The following CCDC3 variants were observed in gnomAD, a reference collection of about 807,000 sequenced individuals.
CCDC3 encodes coiled-coil domain containing 3.
Under a neutral mutation model 21.4 loss-of-function variants are expected in CCDC3, and 24 were observed. The observed-to-expected ratio is 1.12, with a 90% CI of 0.81 to 1.58. CCDC3 has a LOEUF of 1.58. Ranked by LOEUF, CCDC3 falls within the 40% of genes most tolerant of loss-of-function variation. CCDC3 has a pLI of 0.00. For missense variants in CCDC3, 425 were observed against 360.9 expected, an observed-to-expected ratio of 1.18 and a Z score of -1.44; for synonymous variants, 186 against 166.0, an observed-to-expected ratio of 1.12 and a Z score of -0.93.
intron 2 of CCDC3, among the ~76,000 whole-genome samples, chr10:12,964,717 T>C (rs10906268): frequency 0.86 from 130,771 of 152,088 alleles, 57,359 homozygotes; most frequent in East Asian, 0.95. Flanking sequence ...TCCTTAACAA[T>C]GTAATTGACT....
intron 5 of CCDC3, among the ~76,000 whole-genome samples, chr10:13,015,100 A>C (rs1000627808): frequency 6.6e-5 from 10 of 152,122 alleles, no homozygotes; most frequent in African/African-American, 2.4e-4. Context: ...AAAGAAGAGT[A>C]TGAATGAGCT....
At chr10:12,952,100 A>G (rs1448365328) in intron 2 of CCDC3, among the ~76,000 whole-genome samples, 2 of 152,202 alleles carry the variant, frequency 1.3e-5, no homozygotes, top group Non-Finnish European at 2.9e-5. Context: ...TAGAGAACAT[A>G]GCCAAACTGA....
At chr10:12,960,900 C>T (rs1290374211) in intron 2 of CCDC3, among the ~76,000 whole-genome samples, 3 of 152,112 alleles carry the variant, frequency 2.0e-5, no homozygotes, top group Non-Finnish European at 4.4e-5. Flanking sequence ...TCTGCACAAA[C>T]GTAGGGATGT....
intron 2 of CCDC3, among the ~76,000 whole-genome samples, chr10:12,931,450 T>TTC (rs770053132): frequency 1.2e-4 from 18 of 152,358 alleles, no homozygotes; most frequent in Admixed American, 3.3e-4. Flanking sequence ...TTGACCCTTC[T>TTC]GAATGAATTT....
intron 2 of CCDC3, among the ~76,000 whole-genome samples, chr10:12,905,057 G>T (rs983750275): frequency 6.6e-6 from 1 of 151,602 alleles, no homozygotes; most frequent in Non-Finnish European, 1.5e-5. Context: ...ACAAGACAAA[G>T]TGTACTTTCT....
chr10:12,983,217 T>C (rs1375509519), intron 2 of CCDC3, among the ~76,000 whole-genome samples: 1 of 146,228 alleles, frequency 6.8e-6, no homozygotes, highest in Non-Finnish European at 1.5e-5. Flanking sequence ...TTAAAAAGAA[T>C]CTATAGCTAT....
At chr10:12,916,809 G>A (rs545940479) in intron 2 of CCDC3, among the ~76,000 whole-genome samples, 44 of 152,310 alleles carry the variant, frequency 2.9e-4, no homozygotes, top group Middle Eastern at 3.4e-3. Context: ...GTGGCTGCTG[G>A]CTTGCTGAGT....
intron 5 of CCDC3, among the ~76,000 whole-genome samples, chr10:13,007,577 T>C (rs1835939864): frequency 6.6e-6 from 1 of 152,174 alleles, no homozygotes; most frequent in African/African-American, 2.4e-5. Flanking sequence ...CGGAACATGC[T>C]GAGCTTTTAC....
At chr10:12,971,056 C>T (rs953787407) in intron 2 of CCDC3, among the ~76,000 whole-genome samples, 2 of 152,184 alleles carry the variant, frequency 1.3e-5, no homozygotes, top group Non-Finnish European at 2.9e-5. Flanking sequence ...TAAAGGTCTA[C>T]AGAGTTACAG....
chr10:13,086,383 A>C (rs565924178), intron 3 of CCDC3, among the ~76,000 whole-genome samples: 2 of 152,380 alleles, frequency 1.3e-5, no homozygotes, highest in African/African-American at 4.8e-5. Context: ...ATTCACATCA[A>C]TATTTAAGAT....
chr10:12,989,743 C>G (rs927166873), intron 2 of CCDC3, among the ~76,000 whole-genome samples: 1 of 152,096 alleles, frequency 6.6e-6, no homozygotes, highest in Non-Finnish European at 1.5e-5. Context: ...TTAGGCAGTC[C>G]ATGAGATCAA....
chr10:13,014,763 G>A (rs1836030475), intron 5 of CCDC3, among the ~76,000 whole-genome samples: 1 of 152,084 alleles, frequency 6.6e-6, no homozygotes, highest in Non-Finnish European at 1.5e-5. Context: ...AAAGTGAGAA[G>A]AAAATTTACT....
intron 2 of CCDC3, among the ~76,000 whole-genome samples, chr10:12,926,013 C>T: frequency 6.6e-6 from 1 of 152,220 alleles, no homozygotes; most frequent in East Asian, 1.9e-4. Flanking sequence ...ATGCTATGCC[C>T]AAGAGCAGAG....
rs370096750 is a variant in CCDC3 at position 12,922,731 on chromosome 10, C to A, written c.550-24052G>T. On this transcript the variant is annotated intron_variant, in intron 2 of 2. Coordinates refer to ENST00000378825, the MANE Select transcript of CCDC3 (RefSeq NM_031455.4). ...CCCGGATGTGGTACATTGTAGGAATCTGGCTGTTTTCTGAACCTAAGGAGT... is the reference window on the plus strand; with the variant it reads ...CCCGGATGTGGTACATTGTAGGAATATGGCTGTTTTCTGAACCTAAGGAGT... Among the ~76,000 whole-genome samples the A allele has an allele frequency of 4.6e-5, 7 of 152,204 alleles. 1 individual carries two copies. The highest frequency in any genetic ancestry group is 1.5e-5 in the Non-Finnish European group (1 of 68,022).
At chr10:13,071,376 A>C (rs1159895354) in intron 4 of CCDC3, among the ~76,000 whole-genome samples, 1 of 152,222 alleles carries the variant, frequency 6.6e-6, no homozygotes, top group Non-Finnish European at 1.5e-5. Flanking sequence ...ACTGGATCTG[A>C]GGAATCCAGA....
intron 2 of CCDC3, among the ~76,000 whole-genome samples, chr10:12,977,909 G>A (rs988659319): frequency 2.6e-5 from 4 of 152,168 alleles, no homozygotes; most frequent in Admixed American, 1.3e-4. Flanking sequence ...CAGGACAAAG[G>A]ACCAGAACTC....
At chr10:12,998,281 C>T in intron 2 of CCDC3, 57 bp downstream of exon 2, 1 of 1,555,772 alleles carries the variant, frequency 6.4e-7, no homozygotes, top group Non-Finnish European at 8.7e-7. Context: ...ACAAAATTCA[C>T]ACAAGGTGTA....
chr10:12,946,864 A>G (rs1300064719), intron 2 of CCDC3, among the ~76,000 whole-genome samples: 4 of 151,914 alleles, frequency 2.6e-5, no homozygotes, highest in Admixed American at 6.6e-5. Flanking sequence ...ATCCTGTACT[A>G]CCTCAAAATT....
intron 2 of CCDC3, among the ~76,000 whole-genome samples, chr10:12,963,799 C>T (rs1313588790): frequency 6.6e-6 from 1 of 151,974 alleles, no homozygotes; most frequent in African/African-American, 2.4e-5. Context: ...TCTGGCTGGT[C>T]TCAAACTCCT....
Sources: gnomAD v4.1 joint callset for allele counts (sites outside exome capture counted in the v4.1 genomes callset) on GRCh38, gnomAD v4.1.1 for gene constraint, MANE v1.5 for transcripts, NCBI Gene and HGNC (gene_info 2026-07-23, HGNC 2026-07-21) for gene names.